BCKDHB: variants seen among roughly 807,000 people sequenced by gnomAD.
BCKDHB encodes 2-oxoisovalerate dehydrogenase subunit beta, mitochondrial.
Under a neutral mutation model 48.5 loss-of-function variants are expected in BCKDHB, and 41 were observed. The ratio of observed to expected loss-of-function variants is 0.85; its 90% CI spans 0.66 to 1.10. BCKDHB has a LOEUF of 1.10. Among genes scored for constraint, BCKDHB ranks in the 50% least tolerant of loss-of-function variants. BCKDHB has a pLI of 0.00. For missense variants in BCKDHB, 496 were observed against 494.2 expected, an observed-to-expected ratio of 1.00 and a Z score of -0.03; for synonymous variants, 201 against 174.8, an observed-to-expected ratio of 1.15 and a Z score of -1.18.
intron 3 of BCKDHB, among the ~76,000 whole-genome samples, chr6:80,139,485 G>T (rs1417709118): frequency 6.6e-6 from 1 of 151,138 alleles, no homozygotes; most frequent in East Asian, 1.9e-4. Flanking sequence ...TTTGTATAAG[G>T]TGTAAGGAAG....
At chr6:80,306,921 A>G (rs182025923) in intron 9 of BCKDHB, among the ~76,000 whole-genome samples, 124 of 152,312 alleles carry the variant, frequency 8.1e-4, no homozygotes, top group Non-Finnish European at 1.5e-3. Context: ...GTAAAGAACA[A>G]TACAGTCCTA....
chr6:80,367,933 A>T, the BCKDHB span, among the ~76,000 whole-genome samples: 953 of 150,810 alleles, frequency 6.3e-3, 10 homozygotes, highest in African/African-American at 0.022. Flanking sequence ...ACATTTTTTT[A>T]AAAAATTATA....
chr6:80,121,021 T>C (rs944239379), intron 1 of BCKDHB, among the ~76,000 whole-genome samples: 33 of 152,212 alleles, frequency 2.2e-4, no homozygotes, highest in Admixed American at 1.3e-4. Flanking sequence ...CTTTAATCCA[T>C]CTTGAGTTAA....
chr6:80,446,075 A>C, the BCKDHB span, among the ~76,000 whole-genome samples: 2 of 152,230 alleles, frequency 1.3e-5, no homozygotes, highest in Non-Finnish European at 2.9e-5. Context: ...GGATTATGTA[A>C]AATTTCATTG....
At chr6:80,340,517 A>G (rs187521408) in intron 9 of BCKDHB, among the ~76,000 whole-genome samples, 13 of 152,332 alleles carry the variant, frequency 8.5e-5, no homozygotes, top group Admixed American at 2.6e-4. Context: ...TATTCTGCAT[A>G]ATACATGTAA....
intron 1 of BCKDHB, among the ~76,000 whole-genome samples, chr6:80,110,706 A>G (rs1769366448): frequency 6.6e-6 from 1 of 152,228 alleles, no homozygotes; most frequent in South Asian, 2.1e-4. Context: ...CCAGGAGGGT[A>G]TATGGATCTG....
chr6:80,183,787 T>C (rs1400569799), intron 6 of BCKDHB, among the ~76,000 whole-genome samples: 1 of 152,188 alleles, frequency 6.6e-6, no homozygotes, highest in Non-Finnish European at 1.5e-5. Context: ...GATAGCTTTA[T>C]TGTATCCATA....
At chr6:80,332,786 A>C (rs1769382926) in intron 9 of BCKDHB, among the ~76,000 whole-genome samples, 2 of 152,032 alleles carry the variant, frequency 1.3e-5, no homozygotes, top group Non-Finnish European at 2.9e-5. Flanking sequence ...TCAGGTTCAA[A>C]TCAGAATTCA....
At chr6:80,340,372 G>A (rs1769824738) in intron 9 of BCKDHB, among the ~76,000 whole-genome samples, 1 of 152,054 alleles carries the variant, frequency 6.6e-6, no homozygotes, top group Non-Finnish European at 1.5e-5. Context: ...GTCGTCTCTG[G>A]TTACATGTTA....
At chr6:80,308,128 A>T (rs1394791124) in intron 9 of BCKDHB, 1 of 172,360 alleles carries the variant, frequency 5.8e-6, no homozygotes, top group Non-Finnish European at 1.2e-5. Context: ...TATAAGGTCC[A>T]CTAAGCAGTG....
chr6:80,344,112 C>T lies in BCKDHB; in HGVS notation c.*308C>T. ...CCCCTACCCCTGAGTTCAAGCGATT[C>T]TCCTGCCTCAGCCTGCTGAGTAGTT... On this transcript the variant is annotated 3_prime_UTR_variant, in exon 10 of 10. Coordinates refer to ENST00000320393, the MANE Select transcript of BCKDHB (RefSeq NM_183050.4). The T allele has an allele frequency of 2.7e-6, 1 of 369,968 alleles. No individual in the cohort carries two copies. Among genetic ancestry groups the T allele is most frequent in the Non-Finnish European group, 5.2e-6 (1 of 193,038 alleles). 22.9% of individuals were successfully genotyped at this position (369,968 alleles called of 1,614,324 possible).
downstream of BCKDHB, among the ~76,000 whole-genome samples, chr6:80,347,227 A>C (rs1770256056): frequency 6.6e-6 from 1 of 152,204 alleles, no homozygotes; most frequent in African/African-American, 2.4e-5. Context: ...GTAAAAATAA[A>C]ACCCTGTCCT....
chr6:80,278,846 C>T (rs184023285), intron 9 of BCKDHB, among the ~76,000 whole-genome samples: 8 of 152,256 alleles, frequency 5.3e-5, no homozygotes, highest in South Asian at 2.1e-4. Context: ...TTTCCTGGGA[C>T]GTCTCAACCA....
chr6:80,363,766 C>G, the BCKDHB span, among the ~76,000 whole-genome samples: 1 of 152,122 alleles, frequency 6.6e-6, no homozygotes, highest in Non-Finnish European at 1.5e-5. Context: ...TTACAGTTTT[C>G]TTTTAAAATA....
the BCKDHB span, among the ~76,000 whole-genome samples, chr6:80,379,711 A>G: frequency 6.6e-6 from 1 of 152,026 alleles, no homozygotes; most frequent in Non-Finnish European, 1.5e-5. Context: ...AGGCTCCTCC[A>G]GAAGACTCCT....
chr6:80,296,742 C>CTT (rs1364555439), intron 9 of BCKDHB, among the ~76,000 whole-genome samples: 1 of 151,952 alleles, frequency 6.6e-6, no homozygotes, highest in East Asian at 1.9e-4. Context: ...GAATGATGCC[C>CTT]TTTTAACTTT....
At position 80,254,952 on chromosome 6, in the gene BCKDHB, A is replaced by T. The variant is rs76006240; in HGVS notation, c.952-18183A>T. 2.4e-3 allele frequency among the ~76,000 whole-genome samples: 362 copies of T among 152,354 alleles called. 3 individuals carry two copies. Among genetic ancestry groups the T allele is most frequent in the Middle Eastern group, 3.4e-3 (1 of 294 alleles). On this transcript the variant is annotated intron_variant, in intron 8 of 9. Coordinates refer to ENST00000320393, the MANE Select transcript of BCKDHB (RefSeq NM_183050.4). ...CAGATAAAATTATCTCTCTGTTTGT[A>T]ACAAAAAGATCATTCCCCCTCAAAT...
chr6:80,461,381 A>T, the BCKDHB span, among the ~76,000 whole-genome samples: 12 of 152,080 alleles, frequency 7.9e-5, no homozygotes, highest in African/African-American at 2.4e-4. Flanking sequence ...ATATCTGGTC[A>T]TATTCATTGT....
the BCKDHB span, among the ~76,000 whole-genome samples, chr6:80,415,480 AG>A: frequency 6.6e-6 from 1 of 152,136 alleles, no homozygotes; most frequent in South Asian, 2.1e-4. Context: ...TTTAACATGA[AG>A]GGGTGTTGAA....
Sources: gnomAD v4.1 joint callset for allele counts (sites outside exome capture counted in the v4.1 genomes callset) on GRCh38, gnomAD v4.1.1 for gene constraint, MANE v1.5 for transcripts, NCBI Gene and HGNC (gene_info 2026-07-23, HGNC 2026-07-21) for gene names.